Variants in TJP2 observed in about 807,000 individuals in gnomAD.
TJP2 encodes the protein Friedreich ataxia region gene X104 (tight junction protein ZO-2).
In TJP2, 91 loss-of-function variants were observed where a neutral mutation model predicts 133.1. The ratio of observed to expected loss-of-function variants is 0.68; its 90% CI spans 0.58 to 0.81. The LOEUF (loss-of-function observed/expected upper bound fraction) is 0.81. Among genes scored for constraint, TJP2 ranks in the 40% least tolerant of loss-of-function variants. TJP2 has a pLI of 0.00. For missense variants in TJP2, 1,541 were observed against 1,565.6 expected (o/e 0.98, Z 0.26); for synonymous variants, 592 against 583.4 (o/e 1.01, Z -0.21).
chr9:69,137,610 C>T (rs1047564407), intron 1 of TJP2, among the ~76,000 whole-genome samples: 9 of 151,882 alleles, frequency 5.9e-5, no homozygotes, highest in South Asian at 2.1e-4. Flanking sequence ...GTGATCTGCC[C>T]GCTTCGGCCT....
chr9:69,155,290 G>A (rs1823696245), intron 2 of TJP2, among the ~76,000 whole-genome samples: 1 of 149,904 alleles, frequency 6.7e-6, no homozygotes, highest in Admixed American at 6.6e-5. Context: ...GTGAAAGCTC[G>A]AAACTTTTAC....
intron 22 of TJP2, 182 bp from the exon 23 acceptor site, chr9:69,254,027 G>A (rs1462046086): frequency 2.1e-5 from 15 of 709,900 alleles, no homozygotes; most frequent in Non-Finnish European, 3.5e-5. Context: ...AGTGGGCATT[G>A]GATTTGACCT....
chr9:69,229,097 A>T lies in TJP2; in HGVS notation c.1454-87A>T, dbSNP rs927270258. 3.1e-6 allele frequency: 4 copies of T among 1,291,768 alleles called. No homozygotes were observed. In the African/African-American group the frequency reaches 5.9e-5, roughly 19 times the overall value. 80.0% of individuals were successfully genotyped at this position (1,291,768 alleles called of 1,614,324 possible). On this transcript the variant is annotated intron_variant, in intron 9 of 22. Transcript: ENST00000377245. ...GGTGACATATGTGGCATAGACTTACATTTTTTGTGGATTTTGTGATTTTTC... is the reference window on the plus strand; with the variant it reads ...GGTGACATATGTGGCATAGACTTACTTTTTTTGTGGATTTTGTGATTTTTC...
chr9:69,136,601 G>A (rs917228119), intron 1 of TJP2, among the ~76,000 whole-genome samples: 1 of 152,154 alleles, frequency 6.6e-6, no homozygotes, highest in Non-Finnish European at 1.5e-5. Flanking sequence ...AGAACAAAGT[G>A]TCTTAAAGAC....
chr9:69,249,189 C>T (rs1450507252), intron 19 of TJP2, 186 bp from the exon 20 acceptor site: 3 of 985,276 alleles, frequency 3.0e-6, no homozygotes, highest in South Asian at 4.7e-5. Flanking sequence ...ACATTGGATG[C>T]AGCCAGTTTT....
intron 5 of TJP2, among the ~76,000 whole-genome samples, chr9:69,223,229 A>G (rs556658745): frequency 1.3e-5 from 2 of 152,186 alleles, no homozygotes; most frequent in Admixed American, 1.3e-4. Context: ...TGCAAGGGCT[A>G]TGTTGAATAT....
chr9:69,205,618 T>A (rs1255207336), intron 1 of TJP2, among the ~76,000 whole-genome samples: 1 of 152,258 alleles, frequency 6.6e-6, no homozygotes, highest in Non-Finnish European at 1.5e-5. Context: ...TGCAGAAATC[T>A]ATATTCTTAT....
rs749968779 is a variant in TJP2, at chr9:69,216,776, C to T, written c.239+313C>T. The stretch of plus-strand genomic sequence containing the variant: ...TTTAAATTGGCATGCTTCTCAACCC[C>T]GATGCTTAACCAACACTGTTTATGT... On this transcript the variant is annotated intron_variant, in intron 3 of 22. Transcript: ENST00000377245. Among the ~76,000 whole-genome samples, 4 of 152,008 alleles carry T rather than the reference C, an allele frequency of 2.6e-5. 1 individual carries two copies. Among genetic ancestry groups the T allele is most frequent in the African/African-American group, 4.8e-5 (2 of 41,394 alleles).
chr9:69,236,860 G>A, intron 13 of TJP2, 89 bp from the exon 14 acceptor site: 1 of 1,454,384 alleles, frequency 6.9e-7, no homozygotes, highest in Non-Finnish European at 9.7e-7. Context: ...TCTGAGCTCA[G>A]AAGTAAAATT....
chr9:69,213,321 C>G (rs1828084548), intron 2 of TJP2, among the ~76,000 whole-genome samples: 1 of 152,204 alleles, frequency 6.6e-6, no homozygotes, highest in African/African-American at 2.4e-5. Context: ...CCTTGGCCCG[C>G]AAAGTGCTGG....
chr9:69,127,553 CA>C lies in TJP2; in HGVS notation c.-131+5842del, dbSNP rs113447829. Among the ~76,000 whole-genome samples, 224 of 59,816 alleles carry C rather than the reference CA, an allele frequency of 3.7e-3. 31 individuals carry two copies. Among genetic ancestry groups the C allele is most frequent in the East Asian group, 0.014 (28 of 2,042 alleles). The allele number at this position is 59,816 out of a possible 152,430, so 39.2% of individuals were successfully genotyped here. The stretch of plus-strand genomic sequence containing the variant: ...TGTGCGACACAGTAAGATCTTGTCT[CA>C]AAAAAAAAAAAAAGATGTTTTTAAT... On this transcript the variant is annotated intron_variant, in intron 1 of 5. Coordinates refer to the TJP2 transcript ENST00000423935.
chr9:69,172,713 A>AT (rs573096699), upstream of TJP2, among the ~76,000 whole-genome samples: 123 of 151,510 alleles, frequency 8.1e-4, no homozygotes, highest in South Asian at 2.3e-3. Flanking sequence ...GAAATATTTT[A>AT]TTTTTTTTTC....
At chr9:69,165,428 T>C (rs1222799784) in intron 2 of TJP2, among the ~76,000 whole-genome samples, 1 of 152,176 alleles carries the variant, frequency 6.6e-6, no homozygotes, top group Non-Finnish European at 1.5e-5. Flanking sequence ...GTGGCCACCA[T>C]GCCCGGTGGG....
rs1395526059 is a variant in TJP2 at position 69,212,554 on chromosome 9, G to A, written c.67G>A (p.Gly23Ser). ...RELSGWLRAPGMEELIWEQYT... is the reference protein window; with the variant it reads ...RELSGWLRAPSMEELIWEQYT... Reference sequence around the variant, plus strand: ...TTTTGTTCTTTTAAAACAGGCCCCAGGCATGGAAGAGCTGATATGGGAACA... The same window carrying A: ...TTTTGTTCTTTTAAAACAGGCCCCAAGCATGGAAGAGCTGATATGGGAACA... The change falls in exon 2 of 23, where the codon GGC (glycine) becomes AGC (serine). Residue 23 changes from glycine (G) to serine (S), a missense_variant. By Grantham distance (56) the Gly-to-Ser change is moderately conservative (BLOSUM62 0). Coordinates refer to ENST00000377245, the MANE Select transcript of TJP2 (RefSeq NM_004817.4). The A allele has an allele frequency of 6.2e-7, 1 of 1,612,862 alleles. No homozygotes were observed. The highest frequency in any genetic ancestry group is 1.3e-5 in the African/African-American group (1 of 74,898).
chr9:69,194,137 A>G (rs535433745), intron 1 of TJP2, among the ~76,000 whole-genome samples: 3 of 152,338 alleles, frequency 2.0e-5, no homozygotes, highest in African/African-American at 2.4e-5. Context: ...ATGTGCCTCT[A>G]TAAGGAATTC....
intron 1 of TJP2, among the ~76,000 whole-genome samples, chr9:69,122,408 T>C (rs1439127410): frequency 6.6e-6 from 1 of 152,212 alleles, no homozygotes; most frequent in Non-Finnish European, 1.5e-5. Flanking sequence ...GTGCTCGCCC[T>C]GCCCGCGTGG....
chr9:69,131,586 T>C (rs1258511675), intron 1 of TJP2, among the ~76,000 whole-genome samples: 2 of 152,224 alleles, frequency 1.3e-5, no homozygotes, highest in African/African-American at 4.8e-5. Flanking sequence ...GTGTTCTCTG[T>C]TATCATTTGG....
Position 69,221,515 on chromosome 9 carries a change from G to T in TJP2, c.952+19G>T. 6.3e-7 allele frequency: 1 copy of T among 1,597,716 alleles called. No homozygotes were observed. The highest frequency in any genetic ancestry group is 8.5e-7 in the Non-Finnish European group (1 of 1,171,610). On this transcript the variant is annotated intron_variant, in intron 5 of 22. Transcript: ENST00000377245. ...AACGAAGGTAGGCATGCTTGATGTG[G>T]GAAGAAAAGCACTGTTGTGATATGA...
At chr9:69,238,828 A>G in intron 16 of TJP2, 39 bp downstream of exon 16, 1 of 1,487,834 alleles carries the variant, frequency 6.7e-7, no homozygotes, top group Non-Finnish European at 9.4e-7. Flanking sequence ...TTCAGAAAGA[A>G]TTAGATTATG....
Sources: gnomAD v4.1 joint callset for allele counts (sites outside exome capture counted in the v4.1 genomes callset) on GRCh38, gnomAD v4.1.1 for gene constraint, MANE v1.5 for transcripts, NCBI Gene and HGNC (gene_info 2026-07-23, HGNC 2026-07-21) for gene names.